The following PROCR variants were observed in gnomAD, a reference collection of about 807,000 sequenced individuals.
PROCR encodes protein C receptor.
Under a neutral mutation model 24.2 loss-of-function variants are expected in PROCR, and 22 were observed. The ratio of observed to expected loss-of-function variants is 0.91; its 90% CI spans 0.65 to 1.30. PROCR has a LOEUF of 1.30. PROCR is among the 50% of genes most tolerant of loss of function. PROCR has a pLI of 0.00. For missense variants in PROCR, 288 were observed against 307.7 expected, an observed-to-expected ratio of 0.94 and a Z score of 0.48; for synonymous variants, 137 against 139.2, an observed-to-expected ratio of 0.98 and a Z score of 0.11.
Position 35,172,244 on chromosome 20 carries a change from C to T in PROCR, c.70+20C>T, listed in dbSNP as rs2085959012. On this transcript the variant is annotated intron_variant, in intron 1 of 3. Transcript: ENST00000216968. Reference sequence around the variant, plus strand: ...CAGATGGTGAGTCGGGGGCACATCTCCTGCCTCAGGATGGTTCTGGAGAAT... The same window carrying T: ...CAGATGGTGAGTCGGGGGCACATCTTCTGCCTCAGGATGGTTCTGGAGAAT... The T allele has an allele frequency of 6.2e-6, 10 of 1,613,018 alleles. No individual in the cohort carries two copies. The highest frequency in any genetic ancestry group is 2.7e-5 in the African/African-American group (2 of 74,910).
upstream of PROCR, among the ~76,000 whole-genome samples, chr20:35,171,347 C>T (rs764030610): frequency 6.6e-6 from 1 of 152,130 alleles, no homozygotes. Flanking sequence ...AAGGGTGACG[C>T]GCTGAAATTT....
intron 1 of PROCR, among the ~76,000 whole-genome samples, chr20:35,211,416 C>T (rs1313592623): frequency 6.6e-6 from 1 of 152,162 alleles, no homozygotes; most frequent in Non-Finnish European, 1.5e-5. Context: ...AAGGGACTGT[C>T]TGATACTATT....
chr20:35,177,246 T>C lies in PROCR; in HGVS notation c.*433T>C. ...TCAGACTTGGGATGGGACGCTGATA[T>C]AATAGGGTAGAAAGAAGTAACACGA... On this transcript the variant is annotated 3_prime_UTR_variant, in exon 4 of 4. Coordinates refer to ENST00000216968, the MANE Select transcript of PROCR (RefSeq NM_006404.5). The C allele has an allele frequency of 9.6e-7, 1 of 1,040,906 alleles. No individual in the cohort carries two copies. Among genetic ancestry groups the C allele is most frequent in the Non-Finnish European group, 1.2e-6 (1 of 862,750 alleles). 64.5% of individuals were successfully genotyped at this position (1,040,906 alleles called of 1,614,324 possible). A position where few individuals can be genotyped will look rare whatever the true frequency, so the allele number is the denominator to read the frequency against.
chr20:35,214,732 T>A (rs1008815334), intron 1 of PROCR, among the ~76,000 whole-genome samples: 1 of 151,248 alleles, frequency 6.6e-6, no homozygotes, highest in Non-Finnish European at 1.5e-5. Flanking sequence ...TAGTGTCCCA[T>A]TGTATGCATT....
Position 35,176,361 on chromosome 20 carries a change from CCGCA to C in PROCR, c.518_521del (p.Arg173LeufsTer54). On this transcript the variant is annotated frameshift_variant, in exon 3 of 4. Coordinates refer to ENST00000216968, the MANE Select transcript of PROCR (RefSeq NM_006404.5). LOFTEE classifies it high-confidence loss of function. ...CCCTGCAGCAGCTCAATGCCTACAA[CCGCA>C]CTCGGTATGAACTGCGGGAATTCCT... is the stretch of plus-strand genomic sequence containing the variant. 2 of 1,614,232 alleles carry C rather than the reference CCGCA, an allele frequency of 1.2e-6. No homozygotes were observed. Among genetic ancestry groups the C allele is most frequent in the Non-Finnish European group, 1.7e-6 (2 of 1,180,040 alleles).
chr20:35,187,475 C>A (rs2086138290), intron 1 of PROCR, among the ~76,000 whole-genome samples: 1 of 152,226 alleles, frequency 6.6e-6, no homozygotes, highest in South Asian at 2.1e-4. Context: ...CTTCTGACTT[C>A]TGATCCTGAG....
At chr20:35,189,049 T>C (rs2086150311) in intron 1 of PROCR, among the ~76,000 whole-genome samples, 2 of 152,278 alleles carry the variant, frequency 1.3e-5, no homozygotes, top group Admixed American at 1.3e-4. Flanking sequence ...GCATGTGTGT[T>C]TGAACAATTT....
intron 1 of PROCR, among the ~76,000 whole-genome samples, chr20:35,207,493 T>G (rs2060346970): frequency 1.3e-5 from 2 of 151,074 alleles, no homozygotes; most frequent in Admixed American, 1.3e-4. Context: ...ATTTGTACAA[T>G]TATTCTTTCT....
chr20:35,189,590 A>T (rs1035844105), intron 1 of PROCR, among the ~76,000 whole-genome samples: 1 of 150,090 alleles, frequency 6.7e-6, no homozygotes, highest in African/African-American at 2.5e-5. Context: ...CTATTCGTAC[A>T]CTCCCTCCCC....
chr20:35,178,507 G>GTTTTTTTTTTTTTTTTTTTT (rs1203789471), downstream of PROCR, among the ~76,000 whole-genome samples: 1 of 34,372 alleles, frequency 2.9e-5, no homozygotes, highest in African/African-American at 1.8e-4. Flanking sequence ...TCAAGTCTCA[G>GTTTTTTTTTTTTTTTTTTTT]TTTTTTTTTT....
At chr20:35,173,801 C>G (rs894152605) in intron 1 of PROCR, among the ~76,000 whole-genome samples, 1 of 152,138 alleles carries the variant, frequency 6.6e-6, no homozygotes. Flanking sequence ...TCCTGACATG[C>G]TATTCATGTG....
intron 1 of PROCR, among the ~76,000 whole-genome samples, chr20:35,212,866 C>A (rs1287849023): frequency 1.3e-5 from 2 of 152,208 alleles, no homozygotes; most frequent in Non-Finnish European, 2.9e-5. Context: ...CAATTTGTAT[C>A]TCTTCCAACA....
chr20:35,176,015 C>A (rs1262760380), intron 2 of PROCR, among the ~76,000 whole-genome samples, 153 bp from the exon 3 acceptor site: 3 of 152,090 alleles, frequency 2.0e-5, no homozygotes, highest in African/African-American at 7.2e-5. Flanking sequence ...CCTCACAGCC[C>A]CAGGCCCTTC....
intron 1 of PROCR, among the ~76,000 whole-genome samples, chr20:35,208,842 C>T (rs532039550): frequency 7.2e-5 from 11 of 152,090 alleles, no homozygotes; most frequent in East Asian, 1.9e-4. Flanking sequence ...CATGGTGGCA[C>T]GCACCTGTAA....
At chr20:35,200,240 T>C (rs756945228) in intron 1 of PROCR, among the ~76,000 whole-genome samples, 4 of 152,216 alleles carry the variant, frequency 2.6e-5, no homozygotes, top group Non-Finnish European at 5.9e-5. Context: ...ATTGAGAGGA[T>C]TGACTCCAAT....
At chr20:35,197,678 C>G (rs1490069295) in intron 1 of PROCR, among the ~76,000 whole-genome samples, 1 of 151,452 alleles carries the variant, frequency 6.6e-6, no homozygotes, top group African/African-American at 2.4e-5. Flanking sequence ...AAAAATTAGC[C>G]TGGCATGGTG....
chr20:35,174,455 A>C, intron 1 of PROCR: 1 of 557,362 alleles, frequency 1.8e-6, no homozygotes, highest in Admixed American at 3.1e-5. Context: ...AAAAGGAGGC[A>C]GAAAGGAGTG....
At chr20:35,190,382 CTGT>C (rs1422657160) in intron 1 of PROCR, among the ~76,000 whole-genome samples, 4 of 152,206 alleles carry the variant, frequency 2.6e-5, no homozygotes, top group African/African-American at 7.2e-5. Context: ...TTAGACATTT[CTGT>C]TCTTTTTCTT....
chr20:35,210,063 C>T (rs961423832), intron 1 of PROCR, among the ~76,000 whole-genome samples: 2 of 151,906 alleles, frequency 1.3e-5, no homozygotes, highest in African/African-American at 2.4e-5. Flanking sequence ...TCCATCTCTA[C>T]AAAAATTAAA....
Sources: gnomAD v4.1 joint callset for allele counts (sites outside exome capture counted in the v4.1 genomes callset) on GRCh38, gnomAD v4.1.1 for gene constraint, MANE v1.5 for transcripts, NCBI Gene and HGNC (gene_info 2026-07-23, HGNC 2026-07-21) for gene names.